Variants in PHLPP2 observed in about 807,000 individuals in gnomAD.
PHLPP2 encodes PH domain and leucine rich repeat protein phosphatase 2, also known as PH domain leucine-rich repeat-containing protein phosphatase 2.
Under a neutral mutation model 124.9 loss-of-function variants are expected in PHLPP2, and 66 were observed. The ratio of observed to expected loss-of-function variants is 0.53; its 90% CI spans 0.43 to 0.65. PHLPP2 has a LOEUF of 0.65. PHLPP2 is among the 30% of genes least tolerant of loss of function. The pLI is 0.00. For synonymous variants in PHLPP2, 681 were observed against 624.7 expected, an observed-to-expected ratio of 1.09 and a Z score of -1.34; for missense variants, 1,685 against 1,600.4, an observed-to-expected ratio of 1.05 and a Z score of -0.90.
At chr16:71,668,853 T>C (rs1205500560) in intron 11 of PHLPP2, among the ~76,000 whole-genome samples, 1 of 152,222 alleles carries the variant, frequency 6.6e-6, no homozygotes, top group Admixed American at 6.5e-5. Context: ...CTCTAAGCTT[T>C]ACATTCCTCA....
chr16:71,690,144 T>A (rs2045095418), intron 4 of PHLPP2, among the ~76,000 whole-genome samples: 1 of 152,092 alleles, frequency 6.6e-6, no homozygotes, highest in Non-Finnish European at 1.5e-5. Flanking sequence ...TATGACTACC[T>A]CAGACTCTGA....
intron 1 of PHLPP2, chr16:71,723,841 C>G (rs1284105943): frequency 7.3e-6 from 9 of 1,232,124 alleles, no homozygotes; most frequent in African/African-American, 4.8e-5. Context: ...CCAGCGGGCC[C>G]GCGGGCCCCG....
Position 71,649,409 on chromosome 16 carries a change from A to G in PHLPP2, c.3453T>C (p.Asp1151=), listed in dbSNP as rs2044677982. The G allele has an allele frequency of 6.2e-7, 1 of 1,614,138 alleles. No individual in the cohort carries two copies. Among genetic ancestry groups the G allele is most frequent in the Non-Finnish European group, 8.5e-7 (1 of 1,180,032 alleles). Residue 1151 remains aspartate, a synonymous_variant, in exon 19 of 19, where the codon GAT becomes GAC. Coordinates refer to ENST00000568954, the MANE Select transcript of PHLPP2 (RefSeq NM_015020.3). ...NQSDNGLDSD[D]DQPVEGVITN... ...TTATGACCCCCTCAACGGGCTGGTC[A>G]TCATCACTGTCCAGGCCGTTGTCAG...
chr16:71,691,662 A>G (rs984493447), intron 3 of PHLPP2, among the ~76,000 whole-genome samples: 1 of 152,086 alleles, frequency 6.6e-6, no homozygotes, highest in African/African-American at 2.4e-5. Flanking sequence ...TCTCTCTGCC[A>G]CTAATATGGA....
Position 71,644,938 on chromosome 16 carries a change from C to T in PHLPP2, c.*3952G>A. The T allele has an allele frequency of 3.1e-6, 1 of 322,478 alleles. No individual in the cohort carries two copies. The highest frequency in any genetic ancestry group is 6.2e-6 in the Non-Finnish European group (1 of 162,202). 20.0% of individuals were successfully genotyped at this position (322,478 alleles called of 1,614,324 possible). A position where few individuals can be genotyped will look rare whatever the true frequency, so the allele number is the denominator to read the frequency against. On this transcript the variant is annotated 3_prime_UTR_variant, in exon 19 of 19. Transcript: ENST00000568954. ...CAAGCACTCCATTTTAAAACAAAGC[C>T]ATGAAAAAGATTCCACTTTATTTTA...
intron 1 of PHLPP2, among the ~76,000 whole-genome samples, chr16:71,720,205 G>A (rs2045389880): frequency 6.6e-6 from 1 of 151,546 alleles, no homozygotes; most frequent in East Asian, 2.0e-4. Context: ...TCCTGACCTC[G>A]TGATCCACCA....
rs938189754 is a variant in PHLPP2, at chr16:71,724,685, G to A, written c.-363C>T. The A allele has an allele frequency of 6.6e-6, 1 of 151,962 alleles. No individual in the cohort carries two copies. The highest frequency in any genetic ancestry group is 2.4e-5 in the African/African-American group (1 of 41,292). 9.4% of individuals were successfully genotyped at this position (151,962 alleles called of 1,614,324 possible). A position where few individuals can be genotyped will look rare whatever the true frequency, so the allele number is the denominator to read the frequency against. Reference sequence around the variant, plus strand: ...CAGATCTCCCCTCTGCCCTTCTTTAGATCTATACCCCTGTGCAAGTTACTT... The same window carrying A: ...CAGATCTCCCCTCTGCCCTTCTTTAAATCTATACCCCTGTGCAAGTTACTT... On this transcript the variant is annotated 5_prime_UTR_variant, in exon 1 of 19. Transcript: ENST00000568954.
At chr16:71,673,845 C>G (rs1024270569) in intron 9 of PHLPP2, among the ~76,000 whole-genome samples, 1 of 152,098 alleles carries the variant, frequency 6.6e-6, no homozygotes, top group Non-Finnish European at 1.5e-5. Flanking sequence ...CATCTATAAA[C>G]AGCATAAGTC....
At position 71,676,373 on chromosome 16, in the gene PHLPP2, C is replaced by T. The variant is rs981558231; in HGVS notation, c.1471+74G>A. The T allele has an allele frequency of 4.3e-6, 5 of 1,175,872 alleles. No homozygotes were observed. The African/African-American group carries it at 4.5e-5, about 11-fold the overall frequency. 72.8% of individuals were successfully genotyped at this position (1,175,872 alleles called of 1,614,324 possible). A position where few individuals can be genotyped will look rare whatever the true frequency, so the allele number is the denominator to read the frequency against. On this transcript the variant is annotated intron_variant, in intron 9 of 18. Transcript: ENST00000568954. ...CCTGCAGAGTGGCTGAGGAACACCACAGGTGCCACTGTTCTCAGAAAGCAC... is the reference window on the plus strand; with the variant it reads ...CCTGCAGAGTGGCTGAGGAACACCATAGGTGCCACTGTTCTCAGAAAGCAC...
At chr16:71,719,066 G>T (rs906282267) in intron 1 of PHLPP2, among the ~76,000 whole-genome samples, 2 of 152,086 alleles carry the variant, frequency 1.3e-5, no homozygotes, top group African/African-American at 4.8e-5. Context: ...CAGATGACAC[G>T]GTCCTCTGAG....
At chr16:71,655,125 C>A in intron 17 of PHLPP2, 115 bp downstream of exon 17, 1 of 719,016 alleles carries the variant, frequency 1.4e-6, no homozygotes, top group Non-Finnish European at 2.5e-6. Flanking sequence ...AAGACAACAA[C>A]GTGAGTTCTC....
rs1050193861 is a variant in PHLPP2, at chr16:71,646,194, G to A, written c.*2696C>T. ...AGCCTGTTTAGAAAACACAATGTCT[G>A]TAAGTTACCTCATAGGTCAAAGAGT... On this transcript the variant is annotated 3_prime_UTR_variant, in exon 19 of 19. Transcript: ENST00000568954. The A allele has an allele frequency of 6.6e-6, 1 of 152,662 alleles. No individual in the cohort carries two copies. The highest frequency in any genetic ancestry group is 1.5e-5 in the Non-Finnish European group (1 of 68,048). 9.5% of individuals were successfully genotyped at this position (152,662 alleles called of 1,614,324 possible). A position where few individuals can be genotyped will look rare whatever the true frequency, so the allele number is the denominator to read the frequency against.
rs753212273 is a variant in PHLPP2 at position 71,648,997 on chromosome 16, C to G, written c.3865G>C (p.Glu1289Gln). The G allele has an allele frequency of 1.9e-6, 3 of 1,613,978 alleles. No individual in the cohort carries two copies. The highest frequency in any genetic ancestry group is 2.2e-5 in the East Asian group (1 of 44,868). Residue 1289 changes from glutamate to glutamine, a missense_variant, in exon 19 of 19, where the codon GAA becomes CAA. Transcript: ENST00000568954. ...DQFVVPHDLE[E>Q]EVKEQMKQHQ... ...TGTTTCATTTGTTCCTTCACTTCTTCTTCCAGGTCATGAGGCACAACAAAC... is the reference window on the plus strand; with the variant it reads ...TGTTTCATTTGTTCCTTCACTTCTTGTTCCAGGTCATGAGGCACAACAAAC...
chr16:71,649,458 G>A lies in PHLPP2; in HGVS notation c.3404C>T (p.Ser1135Phe), dbSNP rs373025486. The A allele has an allele frequency of 9.3e-6, 15 of 1,614,002 alleles. No individual in the cohort carries two copies. The Admixed American group carries it at 1.2e-4, about 13-fold the overall frequency. Residue 1135 changes from serine (S) to phenylalanine (F), a missense_variant, in exon 19 of 19, where the codon TCT becomes TTT. By Grantham distance (155) the Ser-to-Phe change is radical. Transcript: ENST00000568954. ...AGACTGGTTACTGGAGAAGGTAGCAGAAGAAGGCTGGCGCTGAAACAGCCC... is the reference window on the plus strand; with the variant it reads ...AGACTGGTTACTGGAGAAGGTAGCAAAAGAAGGCTGGCGCTGAAACAGCCC... Reference protein sequence around the residue: ...TSGLFQRQPSSATFSSNQSDN... With the variant: ...TSGLFQRQPSFATFSSNQSDN...
At position 71,664,021 on chromosome 16, in the gene PHLPP2, C is replaced by A. The variant is rs2044816683; in HGVS notation, c.1863G>T (p.Met621Ile). The A allele has an allele frequency of 1.2e-6, 2 of 1,613,806 alleles. No homozygotes were observed. ...SACTGEESLS[M>I]LQLLYLTNNL... ...TGTTGGTCAGATAAAGCAGCTGCAG[C>A]ATACTCAAACTCTCCTCTCCAGTGC... Residue 621 changes from methionine to isoleucine, a missense_variant, in exon 13 of 19, where the codon ATG becomes ATT. By Grantham distance (10) the Met-to-Ile change is conservative. Coordinates refer to ENST00000568954, the MANE Select transcript of PHLPP2 (RefSeq NM_015020.3).
chr16:71,692,513 C>G (rs1173781901), intron 3 of PHLPP2, among the ~76,000 whole-genome samples: 1 of 152,140 alleles, frequency 6.6e-6, no homozygotes, highest in Non-Finnish European at 1.5e-5. Flanking sequence ...ACTTCAAAGC[C>G]TTAAAATTGT....
At chr16:71,674,119 C>A (rs1718715278) in intron 9 of PHLPP2, among the ~76,000 whole-genome samples, 1 of 151,128 alleles carries the variant, frequency 6.6e-6, no homozygotes. Context: ...CTCTTGTTGC[C>A]CAAGCTGGAG....
chr16:71,652,276 T>C (rs748082661), intron 18 of PHLPP2, among the ~76,000 whole-genome samples: 1 of 152,240 alleles, frequency 6.6e-6, no homozygotes, highest in Non-Finnish European at 1.5e-5. Context: ...TCACAAGTAA[T>C]TGCTAAAGTT....
intron 9 of PHLPP2, 129 bp from the exon 10 acceptor site, chr16:71,672,451 A>T: frequency 1.5e-6 from 1 of 689,384 alleles, no homozygotes; most frequent in Non-Finnish European, 2.5e-6. Context: ...GATGAGCTAA[A>T]GACAAAAACT....
Sources: gnomAD v4.1 joint callset for allele counts (sites outside exome capture counted in the v4.1 genomes callset) on GRCh38, gnomAD v4.1.1 for gene constraint, MANE v1.5 for transcripts, NCBI Gene and HGNC (gene_info 2026-07-23, HGNC 2026-07-21) for gene names.